The following CDH13 variants were observed in gnomAD, a reference collection of about 807,000 sequenced individuals.
CDH13 encodes cadherin 13, also known as cadherin-13.
A neutral mutation model predicts 63.8 loss-of-function variants in CDH13; 24 were observed. The ratio of observed to expected loss-of-function variants is 0.38; its 90% CI spans 0.27 to 0.53. CDH13 has a LOEUF of 0.53. Among genes scored for constraint, CDH13 ranks in the 20% least tolerant of loss-of-function variants. The pLI, the probability that CDH13 is intolerant of heterozygous loss-of-function variation, is 0.85. For missense variants in CDH13, 1,049 were observed against 903.1 expected (o/e 1.16, Z -2.07); for synonymous variants, 503 against 355.3 (o/e 1.42, Z -4.67).
At chr16:83,289,423 A>C (rs1157850593) in intron 5 of CDH13, among the ~76,000 whole-genome samples, 1 of 152,186 alleles carries the variant, frequency 6.6e-6, no homozygotes, top group African/African-American at 2.4e-5. Flanking sequence ...GCAGATGCCC[A>C]GGCTCCACTT....
intron 2 of CDH13, among the ~76,000 whole-genome samples, chr16:82,910,654 A>G (rs939218551): frequency 6.6e-6 from 1 of 152,094 alleles, no homozygotes; most frequent in Non-Finnish European, 1.5e-5. Context: ...CTAGTCTCAA[A>G]CCACTAAACA....
chr16:82,701,646 T>C (rs955336055), intron 1 of CDH13, among the ~76,000 whole-genome samples: 1 of 152,126 alleles, frequency 6.6e-6, no homozygotes, highest in Non-Finnish European at 1.5e-5. Context: ...ACATGTCTCA[T>C]TGTGGTGATA....
intron 2 of CDH13, among the ~76,000 whole-genome samples, chr16:82,859,902 A>G (rs368286740): frequency 2.6e-5 from 4 of 152,352 alleles, no homozygotes; most frequent in Admixed American, 6.5e-5. Context: ...AATCATTTCA[A>G]TAATTAGTCT....
At chr16:82,657,694 A>G (rs1911458061) in intron 1 of CDH13, among the ~76,000 whole-genome samples, 1 of 152,184 alleles carries the variant, frequency 6.6e-6, no homozygotes, top group Non-Finnish European at 1.5e-5. Flanking sequence ...AGGGTAATGT[A>G]AATTGTATTG....
intron 3 of CDH13, among the ~76,000 whole-genome samples, chr16:83,116,345 G>A (rs1300458670): frequency 6.6e-6 from 1 of 152,182 alleles, no homozygotes; most frequent in Non-Finnish European, 1.5e-5. Flanking sequence ...GGCTGATGGA[G>A]GAGTTGCTGA....
intron 5 of CDH13, among the ~76,000 whole-genome samples, chr16:83,271,540 G>A (rs545400334): frequency 7.1e-6 from 1 of 140,298 alleles, no homozygotes; most frequent in South Asian, 2.3e-4. Context: ...AAAAAAAAAC[G>A]CTGTACCTAG....
intron 10 of CDH13, among the ~76,000 whole-genome samples, chr16:83,741,740 T>C (rs1228440106): frequency 6.6e-6 from 1 of 152,194 alleles, no homozygotes; most frequent in African/African-American, 2.4e-5. Flanking sequence ...TGCTCAGTCA[T>C]GTAATGTTGG....
chr16:82,989,741 A>C (rs1333567721), intron 2 of CDH13, among the ~76,000 whole-genome samples: 2 of 152,136 alleles, frequency 1.3e-5, no homozygotes, highest in African/African-American at 2.4e-5. Context: ...TAACCCACCT[A>C]TACAGAAGTG....
chr16:82,657,464 G>C (rs1436696468), intron 1 of CDH13, among the ~76,000 whole-genome samples: 1 of 152,188 alleles, frequency 6.6e-6, no homozygotes, highest in Non-Finnish European at 1.5e-5. Flanking sequence ...GCAGGATGGA[G>C]TGGGATGACA....
chr16:83,497,584 C>T (rs907333708), intron 7 of CDH13, among the ~76,000 whole-genome samples: 8 of 151,818 alleles, frequency 5.3e-5, no homozygotes, highest in East Asian at 1.9e-4. Flanking sequence ...GTGGGTGCAG[C>T]GCACCAGCAT....
intron 5 of CDH13, among the ~76,000 whole-genome samples, chr16:83,277,086 C>T (rs1164890105): frequency 1.3e-5 from 2 of 152,124 alleles, no homozygotes; most frequent in Non-Finnish European, 2.9e-5. Flanking sequence ...GGTGGCAACA[C>T]AGCCAAATCA....
At chr16:82,653,879 C>T (rs888816764) in intron 1 of CDH13, among the ~76,000 whole-genome samples, 3 of 151,974 alleles carry the variant, frequency 2.0e-5, no homozygotes, top group African/African-American at 7.3e-5. Context: ...ACATTCAAGG[C>T]CCTGAGAGAG....
rs1235442464 is a variant in CDH13, at chr16:82,973,184, A to C, written c.158-58826A>C. Among the ~76,000 whole-genome samples the C allele has an allele frequency of 2.6e-5, 4 of 151,960 alleles. No individual in the cohort carries two copies. In the East Asian group the frequency reaches 7.7e-4, roughly 29 times the overall value. ...TTGGGGTTTCTCTTCCCTTCTACCA[A>C]CGTTCACTCTGCATTTTCATTCTGA... On this transcript the variant is annotated intron_variant, in intron 2 of 13. Transcript: ENST00000567109.
intron 8 of CDH13, among the ~76,000 whole-genome samples, chr16:83,618,283 G>A (rs753265958): frequency 2.0e-5 from 3 of 152,064 alleles, no homozygotes; most frequent in African/African-American, 4.8e-5. Context: ...AAATTAGCCA[G>A]GCATGGTGGC....
chr16:83,652,377 A>G lies in CDH13; in HGVS notation c.1102-18413A>G, dbSNP rs1912463839. Among the ~76,000 whole-genome samples the G allele has an allele frequency of 2.0e-5, 3 of 152,154 alleles. No individual in the cohort carries two copies. The South Asian group carries it at 6.2e-4, about 32-fold the overall frequency. ...TAACCAAGTGTGTCAATCTCCCTACAGCTCTGGAGATTAGACATGTGCTTT... is the reference window on the plus strand; with the variant it reads ...TAACCAAGTGTGTCAATCTCCCTACGGCTCTGGAGATTAGACATGTGCTTT... On this transcript the variant is annotated intron_variant, in intron 8 of 13. Transcript: ENST00000567109.
intron 2 of CDH13, among the ~76,000 whole-genome samples, chr16:83,000,674 G>T (rs1912823742): frequency 6.7e-6 from 1 of 150,334 alleles, no homozygotes; most frequent in Non-Finnish European, 1.5e-5. Context: ...CCGCCTCCTG[G>T]GTTCACGCCA....
chr16:82,836,295 CCCA>C (rs1187353932), intron 1 of CDH13, among the ~76,000 whole-genome samples: 1 of 151,990 alleles, frequency 6.6e-6, no homozygotes, highest in Non-Finnish European at 1.5e-5. Flanking sequence ...ATTACAGGTG[CCCA>C]CCACCACGCC....
chr16:82,793,846 G>C (rs1364887161), intron 1 of CDH13, among the ~76,000 whole-genome samples: 1 of 152,114 alleles, frequency 6.6e-6, no homozygotes, highest in Non-Finnish European at 1.5e-5. Flanking sequence ...CAGGAAGATG[G>C]GAGTCTCAGA....
intron 2 of CDH13, among the ~76,000 whole-genome samples, chr16:82,988,010 G>A (rs1202949566): frequency 2.0e-5 from 3 of 152,144 alleles, no homozygotes; most frequent in Non-Finnish European, 4.4e-5. Flanking sequence ...TCCCAGCAGA[G>A]CACTCCCTGC....
Sources: allele counts gnomAD v4.1 joint callset (sites outside exome capture counted in the v4.1 genomes callset), GRCh38; gene constraint gnomAD v4.1.1; transcripts MANE v1.5; gene names NCBI Gene and HGNC (gene_info 2026-07-23, HGNC 2026-07-21).